Variants in GEMIN7 observed in about 807,000 individuals in gnomAD.
GEMIN7 encodes the protein gem nuclear organelle associated protein 7, also known as gem-associated protein 7.
A neutral mutation model predicts 7.8 loss-of-function variants in GEMIN7; 7 were observed. The observed-to-expected ratio is 0.90, with a 90% confidence interval of 0.51 to 1.69. GEMIN7 has a LOEUF of 1.69. GEMIN7 is among the 40% of genes most tolerant of loss of function. The pLI is 0.00. For synonymous variants in GEMIN7, 68 were observed against 72.4 expected, an observed-to-expected ratio of 0.94 and a Z score of 0.31; for missense variants, 159 against 176.2, an observed-to-expected ratio of 0.90 and a Z score of 0.55.
chr19:45,076,308 G>T (rs984200328), upstream of GEMIN7: 8 of 1,433,114 alleles, frequency 5.6e-6, no homozygotes, highest in Non-Finnish European at 7.3e-6. The surrounding 1 kb of genome is among the most constrained non-coding windows in gnomAD (Gnocchi z 4.9). Context: ...CCATCTCGTC[G>T]TCTGGGTTGG....
At chr19:45,080,111 ATGGGCT>A (rs1165704940) in intron 2 of GEMIN7, 82 bp downstream of exon 2, 1 of 152,084 alleles carries the variant, frequency 6.6e-6, no homozygotes, top group African/African-American at 2.4e-5. Flanking sequence ...GTCGTGGGGG[ATGGGCT>A]TGGGCATTTT....
chr19:45,087,939 ATAATTTT>A (rs1967753011), intron 2 of GEMIN7, among the ~76,000 whole-genome samples: 1 of 132,616 alleles, frequency 7.5e-6, no homozygotes, highest in African/African-American at 3.0e-5. Flanking sequence ...ATATAGATAT[ATAATTTT>A]TTTTTTTTTT....
At position 45,081,817 on chromosome 19, in the gene GEMIN7, G is replaced by A. The variant is rs193006623; in HGVS notation, c.-9+1788G>A. Among the ~76,000 whole-genome samples the A allele has an allele frequency of 2.6e-4, 40 of 152,176 alleles. No homozygotes were observed. In the East Asian group the frequency reaches 7.4e-3, roughly 28 times the overall value. On this transcript the variant is annotated intron_variant, in intron 2 of 2. Coordinates refer to ENST00000270257, the MANE Select transcript of GEMIN7 (RefSeq NM_024707.3). Reference sequence around the variant, plus strand: ...AACTTTTGTATTTTTAGTAGAGAGAGGTTTCACCATGTTGACCAGGCTGGT... The same window carrying A: ...AACTTTTGTATTTTTAGTAGAGAGAAGTTTCACCATGTTGACCAGGCTGGT...
chr19:45,088,020 A>G (rs1241432929), intron 2 of GEMIN7, among the ~76,000 whole-genome samples: 1 of 145,182 alleles, frequency 6.9e-6, no homozygotes, highest in African/African-American at 2.6e-5. Flanking sequence ...ATCTCGGCTC[A>G]CTGCAACCTC....
chr19:45,084,724 C>G (rs758134205), intron 2 of GEMIN7, among the ~76,000 whole-genome samples: 2 of 152,170 alleles, frequency 1.3e-5, no homozygotes, highest in African/African-American at 2.4e-5. Context: ...ATTACAGGAG[C>G]CTGCCACCAT....
chr19:45,081,172 T>G (rs1460127583), intron 2 of GEMIN7, among the ~76,000 whole-genome samples: 1 of 152,016 alleles, frequency 6.6e-6, no homozygotes, highest in Non-Finnish European at 1.5e-5. Context: ...TTTTAAAAAA[T>G]TAGAAAATGC....
intron 2 of GEMIN7, among the ~76,000 whole-genome samples, chr19:45,080,462 G>A (rs554584520): frequency 6.7e-5 from 10 of 149,878 alleles, no homozygotes; most frequent in East Asian, 2.0e-4. Context: ...TGCAACCTCC[G>A]TCTCCCTGGT....
intron 2 of GEMIN7, among the ~76,000 whole-genome samples, chr19:45,084,213 C>CAAAAA (rs35661833): frequency 1.2e-4 from 9 of 74,340 alleles, no homozygotes; most frequent in Admixed American, 5.3e-4. Context: ...CTCCATCTCA[C>CAAAAA]AAAAAAAAAA....
At chr19:45,089,901 G>A (rs1014784083) in intron 2 of GEMIN7, among the ~76,000 whole-genome samples, 1 of 152,178 alleles carries the variant, frequency 6.6e-6, no homozygotes, top group South Asian at 2.1e-4. Context: ...TTGCCTTCAC[G>A]GGGCTCATGT....
At chr19:45,087,371 T>C (rs1967728944) in intron 2 of GEMIN7, among the ~76,000 whole-genome samples, 1 of 152,166 alleles carries the variant, frequency 6.6e-6, no homozygotes, top group Non-Finnish European at 1.5e-5. Flanking sequence ...CTCGAACTCC[T>C]GACCTCTAGT....
chr19:45,077,639 A>G (rs1967381395), upstream of GEMIN7, among the ~76,000 whole-genome samples: 1 of 152,092 alleles, frequency 6.6e-6, no homozygotes, highest in Non-Finnish European at 1.5e-5. Flanking sequence ...ATTGTTATTC[A>G]GGTCTGGGTT....
At chr19:45,076,130 G>T, upstream of GEMIN7, 1 of 1,557,564 alleles carries the variant, frequency 6.4e-7, no homozygotes, top group Admixed American at 2.2e-5. This position sits in a 1 kb window ranked among gnomAD's most constrained non-coding sequence, Gnocchi z 4.9. Context: ...CGCGGGCCGA[G>T]GGCGAGGAGG....
intron 2 of GEMIN7, among the ~76,000 whole-genome samples, chr19:45,081,118 A>T (rs963887635): frequency 2.6e-5 from 4 of 152,208 alleles, no homozygotes; most frequent in Non-Finnish European, 5.9e-5. Context: ...CGTGGGCAAT[A>T]CAGCGAGACC....
At chr19:45,083,045 C>T (rs1421438455) in intron 2 of GEMIN7, among the ~76,000 whole-genome samples, 1 of 152,196 alleles carries the variant, frequency 6.6e-6, no homozygotes, top group Non-Finnish European at 1.5e-5. Context: ...TGCTGTTGTG[C>T]TACTGTGGCA....
chr19:45,076,162 C>A, upstream of GEMIN7: 1 of 1,533,380 alleles, frequency 6.5e-7, no homozygotes, highest in Non-Finnish European at 8.7e-7. This position sits in a 1 kb window ranked among gnomAD's most constrained non-coding sequence, Gnocchi z 4.9. Context: ...GGGCATGGGG[C>A]CAGGGGAGTG....
At chr19:45,088,006 C>T (rs546978780) in intron 2 of GEMIN7, among the ~76,000 whole-genome samples, 39 of 133,426 alleles carry the variant, frequency 2.9e-4, no homozygotes, top group African/African-American at 1.1e-3. Context: ...AGTACTGTGG[C>T]ACAATCTCGG....
chr19:45,077,887 T>C (rs1211861073), upstream of GEMIN7, among the ~76,000 whole-genome samples: 1 of 151,810 alleles, frequency 6.6e-6, no homozygotes, highest in Non-Finnish European at 1.5e-5. Flanking sequence ...TAATTTTTAA[T>C]TTTTCAAAAA....
intron 2 of GEMIN7, among the ~76,000 whole-genome samples, chr19:45,085,863 CTTTT>C (rs869044428): frequency 2.3e-5 from 2 of 88,412 alleles, no homozygotes; most frequent in African/African-American, 9.9e-5. Context: ...ACAAGAATCT[CTTTT>C]TTTTTTTTTT....
At chr19:45,082,462 C>A (rs974863595) in intron 2 of GEMIN7, among the ~76,000 whole-genome samples, 1 of 152,196 alleles carries the variant, frequency 6.6e-6, no homozygotes, top group African/African-American at 2.4e-5. Context: ...GTCATCACTG[C>A]CTAAGGACAG....
Sources: allele counts gnomAD v4.1 joint callset (sites outside exome capture counted in the v4.1 genomes callset), GRCh38; gene constraint gnomAD v4.1.1; non-coding constraint Gnocchi (gnomAD v3.1); transcripts MANE v1.5; gene names NCBI Gene and HGNC (gene_info 2026-07-23, HGNC 2026-07-21).